The following SPAG11A variants were observed in gnomAD, a reference collection of about 807,000 sequenced individuals.
SPAG11A encodes the protein sperm associated antigen 11A, also known as sperm-associated antigen 11A.
A neutral mutation model predicts 5.5 loss-of-function variants in SPAG11A; 2 were observed. That is an observed-to-expected ratio of 0.37 (90% CI 0.15 to 1.15). The LOEUF (loss-of-function observed/expected upper bound fraction) is 1.15, where lower values mean the gene tolerates loss of function less well. Among genes scored for constraint, SPAG11A ranks in the 50% most tolerant of loss-of-function variants. The pLI is 0.38. For synonymous variants in SPAG11A, 11 were observed against 42.7 expected (o/e 0.26, Z 2.90); for missense variants, 24 against 122.5 (o/e 0.20, Z 3.80).
chr8:7,861,478 C>T (rs1361940545), downstream of SPAG11A, among the ~76,000 whole-genome samples: 1 of 146,394 alleles, frequency 6.8e-6, no homozygotes, highest in East Asian at 2.1e-4. Context: ...TATCAGCCAG[C>T]ATTCATTCTT....
intron 2 of SPAG11A, among the ~76,000 whole-genome samples, chr8:7,857,460 T>A (rs959842852): frequency 3.7e-5 from 3 of 81,478 alleles, no homozygotes; most frequent in African/African-American, 1.1e-4. Context: ...TTTTTTTTTT[T>A]TTTGAGAGAT....
chr8:7,863,646 G>T, downstream of SPAG11A: 1 of 1,523,728 alleles, frequency 6.6e-7, no homozygotes, highest in Non-Finnish European at 9.1e-7. Context: ...CAGCCGAAGA[G>T]CAGGAGCCTC....
chr8:7,852,461 G>C (rs1474974536), intron 2 of SPAG11A, among the ~76,000 whole-genome samples: 2 of 152,130 alleles, frequency 1.3e-5, no homozygotes, highest in Non-Finnish European at 2.9e-5. Context: ...GCCTTCCTAA[G>C]TAGCTGGGAT....
At chr8:7,860,098 T>A (rs1466904449) in intron 2 of SPAG11A, among the ~76,000 whole-genome samples, 1 of 149,856 alleles carries the variant, frequency 6.7e-6, no homozygotes, top group Non-Finnish European at 1.5e-5. Flanking sequence ...ATAAGTAAGA[T>A]CTTTCTTTCA....
downstream of SPAG11A, among the ~76,000 whole-genome samples, chr8:7,861,920 G>GT (rs1289976767): frequency 6.0e-5 from 7 of 116,650 alleles, no homozygotes; most frequent in South Asian, 3.4e-4. Flanking sequence ...ACTCACTCTT[G>GT]TTTTTTTTCT....
intron 2 of SPAG11A, among the ~76,000 whole-genome samples, chr8:7,860,018 G>A (rs1351317678): frequency 6.6e-6 from 1 of 150,564 alleles, no homozygotes; most frequent in Non-Finnish European, 1.5e-5. Context: ...CCAACACTGT[G>A]CTGTTGTTGT....
downstream of SPAG11A, among the ~76,000 whole-genome samples, chr8:7,862,725 G>T (rs1412364831): frequency 8.4e-6 from 1 of 118,498 alleles, no homozygotes; most frequent in Non-Finnish European, 1.9e-5. Context: ...TGAGGCTTCC[G>T]GGAAGCAAAC....
chr8:7,860,393 C>T (rs1071601), intron 2 of SPAG11A: 133,184 of 1,417,040 alleles, frequency 0.094, 22,049 homozygotes, highest in Middle Eastern at 0.19. Context: ...TTAAGATCTG[C>T]GTGGGCTTTT....
At chr8:7,857,245 A>T (rs1420091189) in intron 2 of SPAG11A, among the ~76,000 whole-genome samples, 3 of 102,808 alleles carry the variant, frequency 2.9e-5, no homozygotes, top group Non-Finnish European at 6.4e-5. Context: ...AGTGACTTTT[A>T]AAAAATGACT....
chr8:7,858,571 G>A lies in SPAG11A; in HGVS notation c.215-2075G>A, dbSNP rs141871379. On this transcript the variant is annotated intron_variant, in intron 2 of 2. Transcript: ENST00000642566. Reference sequence around the variant, plus strand: ...AATTTTTGGAATAATGTGGTACGTTGTCTCTGTTTTTTTTTTCTTTCAGCA... The same window carrying A: ...AATTTTTGGAATAATGTGGTACGTTATCTCTGTTTTTTTTTTCTTTCAGCA... Among the ~76,000 whole-genome samples, 53 of 91,572 alleles carry A rather than the reference G, an allele frequency of 5.8e-4. 4 individuals are homozygous for A. Among genetic ancestry groups the A allele is most frequent in the African/African-American group, 1.1e-3 (37 of 33,988 alleles). 60.1% of individuals were successfully genotyped at this position (91,572 alleles called of 152,430 possible). A position where few individuals can be genotyped will look rare whatever the true frequency, so the allele number is the denominator to read the frequency against.
chr8:7,854,599 A>G, intron 2 of SPAG11A, among the ~76,000 whole-genome samples: 1 of 132,888 alleles, frequency 7.5e-6, no homozygotes, highest in Non-Finnish European at 1.7e-5. Context: ...GGACAAGGGG[A>G]GGGAGAGCAT....
rs565120243 is a variant in SPAG11A, at chr8:7,852,586, G to A, written c.214+3743G>A. 1.2e-4 allele frequency among the ~76,000 whole-genome samples: 18 copies of A among 147,290 alleles called. No individual in the cohort carries two copies. In the South Asian group the frequency reaches 4.0e-3, roughly 33 times the overall value. On this transcript the variant is annotated intron_variant, in intron 2 of 2. Coordinates refer to ENST00000642566, the Ensembl canonical transcript of SPAG11A. Reference sequence around the variant, plus strand: ...GACCTCAGGTGATCTGTCCGCCTCGGCCTCCCGAAGTGCTGGAATTACAGG... The same window carrying A: ...GACCTCAGGTGATCTGTCCGCCTCGACCTCCCGAAGTGCTGGAATTACAGG...
chr8:7,859,967 G>A (rs1056938795), intron 2 of SPAG11A, among the ~76,000 whole-genome samples: 2 of 149,328 alleles, frequency 1.3e-5, no homozygotes, highest in African/African-American at 2.5e-5. Flanking sequence ...CCCGTTTGGA[G>A]GTTGGATGTT....
intron 2 of SPAG11A, chr8:7,860,268 C>T: frequency 1.2e-5 from 16 of 1,343,406 alleles, no homozygotes; most frequent in Non-Finnish European, 1.6e-5. Context: ...GGGTTAATAC[C>T]TCTAATTTCC....
intron 2 of SPAG11A, chr8:7,860,417 G>A (rs2128928738): frequency 7.0e-7 from 1 of 1,427,004 alleles, no homozygotes; most frequent in Non-Finnish European, 9.5e-7. Context: ...GGCCTAGATG[G>A]GCCAGGTGAG....
chr8:7,862,706 A>T, downstream of SPAG11A, among the ~76,000 whole-genome samples: 3 of 87,866 alleles, frequency 3.4e-5, no homozygotes, highest in South Asian at 7.3e-4. Context: ...GCTGTCTGGG[A>T]GTGTTTGCTG....
At chr8:7,860,592 C>G in intron 2 of SPAG11A, 54 bp from the exon 3 acceptor site, 1 of 1,392,274 alleles carries the variant, frequency 7.2e-7, no homozygotes, top group Admixed American at 2.0e-5. Context: ...GGTTCATCTT[C>G]TATTCTCTGC....
At chr8:7,857,480 G>T (rs1186812326) in intron 2 of SPAG11A, among the ~76,000 whole-genome samples, 5 of 51,916 alleles carry the variant, frequency 9.6e-5, no homozygotes, top group Admixed American at 7.3e-4. Context: ...TTTCAGAGAT[G>T]TCTTCAGAAC....
At chr8:7,852,211 C>T (rs1454688451) in intron 2 of SPAG11A, among the ~76,000 whole-genome samples, 10 of 151,454 alleles carry the variant, frequency 6.6e-5, no homozygotes, top group East Asian at 1.9e-4. Flanking sequence ...CAGTCTGGCA[C>T]ACCCTTGATT....
Sources: gnomAD v4.1 joint callset for allele counts (sites outside exome capture counted in the v4.1 genomes callset) on GRCh38, gnomAD v4.1.1 for gene constraint, MANE v1.5 for transcripts, NCBI Gene and HGNC (gene_info 2026-07-23, HGNC 2026-07-21) for gene names.